Variants in GATA3 observed in about 807,000 individuals in gnomAD.
GATA3 encodes the protein GATA binding protein 3, also known as trans-acting T-cell-specific transcription factor GATA-3.
Under a neutral mutation model 36.0 loss-of-function variants are expected in GATA3, and 6 were observed. The observed-to-expected ratio is 0.17, with a 90% CI of 0.09 to 0.33. GATA3 has a LOEUF of 0.33. GATA3 is among the 10% of genes least tolerant of loss of function. GATA3 has a pLI of 1.00. For missense variants in GATA3, 514 were observed against 610.1 expected (o/e 0.84, Z 1.66); for synonymous variants, 326 against 273.0 (o/e 1.19, Z -1.92).
upstream of GATA3, among the ~76,000 whole-genome samples, chr10:8,049,184 G>C (rs1832430630): frequency 6.6e-6 from 1 of 152,220 alleles, no homozygotes; most frequent in Non-Finnish European, 1.5e-5. Context: ...TCCCCAAAAC[G>C]ATAGCTCATT....
upstream of GATA3, chr10:8,051,456 C>T: frequency 5.2e-6 from 1 of 191,616 alleles, no homozygotes; most frequent in Non-Finnish European, 1.1e-5. Context: ...GGTTGATCGC[C>T]AGCCCCTTAC....
upstream of GATA3, among the ~76,000 whole-genome samples, chr10:8,049,847 G>C (rs1234163461): frequency 6.6e-6 from 1 of 152,200 alleles, no homozygotes; most frequent in Non-Finnish European, 1.5e-5. Context: ...GACATGGTTC[G>C]GGTGACAGAA....
At position 8,058,175 on chromosome 10, in the gene GATA3, G is replaced by A. The variant is rs1485058880; in HGVS notation, c.242-130G>A. On this transcript the variant is annotated intron_variant, in intron 2 of 5. Coordinates refer to ENST00000379328, the MANE Select transcript of GATA3 (RefSeq NM_001002295.2). ...CCGGGGACCGCCAGGATGAGAGAGTGGGCCTGAGCCCGGGCTTTTGCTGAA... is the reference window on the plus strand; with the variant it reads ...CCGGGGACCGCCAGGATGAGAGAGTAGGCCTGAGCCCGGGCTTTTGCTGAA... 5 of 974,784 alleles carry A rather than the reference G, an allele frequency of 5.1e-6. No individual in the cohort carries two copies. The Admixed American group carries it at 1.0e-4, about 20-fold the overall frequency. 60.4% of individuals were successfully genotyped at this position (974,784 alleles called of 1,614,324 possible).
At chr10:8,049,327 C>T (rs924212685), upstream of GATA3, among the ~76,000 whole-genome samples, 3 of 152,178 alleles carry the variant, frequency 2.0e-5, no homozygotes, top group Non-Finnish European at 4.4e-5. Flanking sequence ...TCTCTGCTTT[C>T]CCCCAAGTTC....
At chr10:8,056,957 C>T (rs1415794664) in intron 2 of GATA3, among the ~76,000 whole-genome samples, 3 of 152,228 alleles carry the variant, frequency 2.0e-5, no homozygotes, top group Non-Finnish European at 4.4e-5. Flanking sequence ...TTCCCCTACT[C>T]AGAGCCTGCC....
chr10:8,063,824 G>A (rs1832789199), intron 3 of GATA3, among the ~76,000 whole-genome samples, 169 bp from the exon 4 acceptor site: 1 of 152,198 alleles, frequency 6.6e-6, no homozygotes, highest in Non-Finnish European at 1.5e-5. Flanking sequence ...GCATTCCCCA[G>A]CTCAACTTTG....
upstream of GATA3, among the ~76,000 whole-genome samples, chr10:8,054,272 A>G (rs1295134152): frequency 6.6e-6 from 1 of 152,220 alleles, no homozygotes; most frequent in East Asian, 1.9e-4. The surrounding 1 kb of genome is among the most constrained non-coding windows in gnomAD (Gnocchi z 4.2). Flanking sequence ...CTATTTTTTA[A>G]AAGTCTGAAA....
In GATA3 at chr10:8,046,590, C is replaced by T. The variant is rs546418675; in HGVS notation, c.-370+1075C>T. ...TGGGTGGGCTGGGGGTCTAGCCAGG[C>T]AGGTTGAGTCCATCCAGGCATCTGT... is the stretch of plus-strand genomic sequence containing the variant. On this transcript the variant is annotated intron_variant, in intron 1 of 1. Transcript: ENST00000643001. 4.6e-5 allele frequency among the ~76,000 whole-genome samples: 7 copies of T among 151,086 alleles called. No homozygotes were observed. The East Asian group carries it at 1.4e-3, about 29-fold the overall frequency.
At chr10:8,065,249 T>TTTA (rs1832816122) in intron 4 of GATA3, among the ~76,000 whole-genome samples, 1 of 137,754 alleles carries the variant, frequency 7.3e-6, no homozygotes, top group Non-Finnish European at 1.5e-5. Flanking sequence ...AAGGAAAAAC[T>TTTA]TTCTTTTTTT....
intron 4 of GATA3, among the ~76,000 whole-genome samples, chr10:8,065,252 CTTTTTTTTTT>C (rs34193161): frequency 3.3e-5 from 3 of 92,070 alleles, no homozygotes; most frequent in Admixed American, 1.3e-4. Context: ...GAAAAACTTT[CTTTTTTTTTT>C]TTTTTTTTTT....
rs761861439 is a variant in GATA3, at chr10:8,069,453, T to C, written c.925-20T>C. On this transcript the variant is annotated intron_variant, in intron 4 of 5. Coordinates refer to ENST00000379328, the MANE Select transcript of GATA3 (RefSeq NM_001002295.2). ...TAACATTTGTTTTGATTTCACCCTC[T>C]CCTCTCTCCCCACTCTCAGTCTGCA... is the stretch of plus-strand genomic sequence containing the variant. 6.2e-7 allele frequency: 1 copy of C among 1,612,688 alleles called. No individual in the cohort carries two copies. Among genetic ancestry groups the C allele is most frequent in the South Asian group, 1.1e-5 (1 of 91,022 alleles).
chr10:8,058,932 G>A, intron 3 of GATA3, 91 bp downstream of exon 3: 2 of 1,254,854 alleles, frequency 1.6e-6, no homozygotes, highest in Non-Finnish European at 2.2e-6. Context: ...CCTCAGGGGA[G>A]CCGGGGTGTC....
chr10:8,074,205 C>T lies in GATA3; in HGVS notation c.*182C>T, dbSNP rs756225495. 65 of 656,882 alleles carry T rather than the reference C, an allele frequency of 9.9e-5. No homozygotes were observed. Among genetic ancestry groups the T allele is most frequent in the Admixed American group, 2.7e-4 (9 of 33,784 alleles). The allele number at this position is 656,882 out of a possible 1,614,324, so 40.7% of individuals were successfully genotyped here. A position where few individuals can be genotyped will look rare whatever the true frequency, so the allele number is the denominator to read the frequency against. On this transcript the variant is annotated 3_prime_UTR_variant, in exon 6 of 6. Coordinates refer to ENST00000379328, the MANE Select transcript of GATA3 (RefSeq NM_001002295.2). ...CACTGTGGTGTCTGTGTTCCAACCA[C>T]TGAATCTGGACCCCATCTGTGAATA...
At position 8,075,162 on chromosome 10, in the gene GATA3, A is replaced by G. The variant is rs1334123391; in HGVS notation, c.*1139A>G. 1 of 230,812 alleles carries G rather than the reference A, an allele frequency of 4.3e-6. No individual in the cohort carries two copies. Among genetic ancestry groups the G allele is most frequent in the African/African-American group, 2.2e-5 (1 of 45,150 alleles). 14.3% of individuals were successfully genotyped at this position (230,812 alleles called of 1,614,324 possible). A position where few individuals can be genotyped will look rare whatever the true frequency, so the allele number is the denominator to read the frequency against. ...TAATACAGTCTGTTGGAATAATATT[A>G]TAAGCATAATAATAAAGTGAAAATA... On this transcript the variant is annotated 3_prime_UTR_variant, in exon 6 of 6. Coordinates refer to ENST00000379328, the MANE Select transcript of GATA3 (RefSeq NM_001002295.2).
Position 8,074,077 on chromosome 10 carries a change from G to T in GATA3, c.*54G>T. The T allele has an allele frequency of 6.3e-7, 1 of 1,587,036 alleles. No homozygotes were observed. The highest frequency in any genetic ancestry group is 8.6e-7 in the Non-Finnish European group (1 of 1,163,924). Reference sequence around the variant, plus strand: ...AGCGAGAGTCCCTGCAGTCCCTTTCGACTTGCATTTTTGCAGGAGCAGTAT... The same window carrying T: ...AGCGAGAGTCCCTGCAGTCCCTTTCTACTTGCATTTTTGCAGGAGCAGTAT... On this transcript the variant is annotated 3_prime_UTR_variant, in exon 6 of 6. Transcript: ENST00000379328.
chr10:8,068,002 T>C (rs1832873865), intron 4 of GATA3, among the ~76,000 whole-genome samples: 1 of 152,234 alleles, frequency 6.6e-6, no homozygotes, highest in African/African-American at 2.4e-5. Context: ...GGAATGGGGA[T>C]AATTTTGCAG....
rs554365761 is a variant in GATA3 at position 8,068,517 on chromosome 10, C to T, written c.925-956C>T. On this transcript the variant is annotated intron_variant, in intron 4 of 5. Coordinates refer to ENST00000379328, the MANE Select transcript of GATA3 (RefSeq NM_001002295.2). Reference sequence around the variant, plus strand: ...CTGTAATACCGGCACTTTGGGAGGCCGAGGCAGGTGGATCACTTGAGGTCA... The same window carrying T: ...CTGTAATACCGGCACTTTGGGAGGCTGAGGCAGGTGGATCACTTGAGGTCA... Among the ~76,000 whole-genome samples, 21 of 152,182 alleles carry T rather than the reference C, an allele frequency of 1.4e-4. No individual in the cohort carries two copies. The South Asian group carries it at 2.7e-3, about 20-fold the overall frequency.
upstream of GATA3, among the ~76,000 whole-genome samples, chr10:8,054,212 G>A (rs1832572401): frequency 6.6e-6 from 1 of 152,170 alleles, no homozygotes; most frequent in Non-Finnish European, 1.5e-5. The surrounding 1 kb of genome is among the most constrained non-coding windows in gnomAD (Gnocchi z 4.2). Flanking sequence ...CCACATCGAT[G>A]CGCTCTCCCA....
rs752779081 is a variant in GATA3 at position 8,058,499 on chromosome 10, G to A, written c.436G>A (p.Ala146Thr). The A allele has an allele frequency of 9.3e-6, 15 of 1,611,906 alleles. No homozygotes were observed. The highest frequency in any genetic ancestry group is 2.2e-5 in the East Asian group (1 of 44,870). The change falls in exon 3 of 6, where the codon GCC (alanine) becomes ACC (threonine). Residue 146 changes from alanine to threonine, a missense_variant. Physicochemically the swap from Ala to Thr is moderately conservative, Grantham distance 58 (BLOSUM62 0). This residue lies in a region of GATA3 where 381 missense variants were observed against 354.3 expected (regional missense o/e 1.08). Coordinates refer to ENST00000379328, the MANE Select transcript of GATA3 (RefSeq NM_001002295.2). Reference sequence around the variant, plus strand: ...GTCCTCCTCCTTGTCGGGGGGCCACGCCAGCCCGCACCTCTTCACCTTCCC... The same window carrying A: ...GTCCTCCTCCTTGTCGGGGGGCCACACCAGCCCGCACCTCTTCACCTTCCC... ...ASSSSLSGGH[A>T]SPHLFTFPPT...
Sources: allele counts gnomAD v4.1 joint callset (sites outside exome capture counted in the v4.1 genomes callset), GRCh38; gene constraint gnomAD v4.1.1; regional missense constraint gnomAD v4.1.1; non-coding constraint Gnocchi (gnomAD v3.1); transcripts MANE v1.5; gene names NCBI Gene and HGNC (gene_info 2026-07-23, HGNC 2026-07-21).